The following C5 variants were observed in gnomAD, a reference collection of about 807,000 sequenced individuals.
The protein encoded by C5 is C3 and PZP-like alpha-2-macroglobulin domain-containing protein 4.
A neutral mutation model predicts 218.8 loss-of-function variants in C5; 140 were observed. The observed-to-expected ratio is 0.64, with a 90% CI of 0.56 to 0.74. The LOEUF is 0.74. Ranked by LOEUF, C5 falls within the 30% of genes least tolerant of loss-of-function variation. The pLI is 0.00. For synonymous variants in C5, 614 were observed against 682.3 expected (o/e 0.90, Z 1.56); for missense variants, 1,700 against 1,969.6 (o/e 0.86, Z 2.59).
intron 22 of C5, among the ~76,000 whole-genome samples, chr9:120,991,878 T>C (rs937593815): frequency 4.6e-5 from 7 of 152,230 alleles, no homozygotes; most frequent in African/African-American, 1.2e-4. Flanking sequence ...AATTATTGCA[T>C]TGGATTCTCA....
chr9:120,976,590 T>G (rs908967781), intron 29 of C5, 110 bp downstream of exon 29: 3 of 870,764 alleles, frequency 3.4e-6, no homozygotes, highest in East Asian at 2.4e-5. Context: ...GCATTATTCA[T>G]ATCTATTGCA....
At chr9:121,014,816 T>G (rs567969543) in intron 16 of C5, among the ~76,000 whole-genome samples, 1 of 152,146 alleles carries the variant, frequency 6.6e-6, no homozygotes, top group African/African-American at 2.4e-5. Context: ...CAGTTAAATA[T>G]ATGAAATAGA....
chr9:121,021,862 T>C (rs1194122350), intron 10 of C5, among the ~76,000 whole-genome samples, 168 bp from the exon 11 acceptor site: 3 of 152,100 alleles, frequency 2.0e-5, no homozygotes, highest in African/African-American at 7.2e-5. Flanking sequence ...CAGGTTGGAG[T>C]GCAGTGGCTA....
At chr9:120,967,707 A>C (rs1003796767) in intron 33 of C5, among the ~76,000 whole-genome samples, 1 of 151,660 alleles carries the variant, frequency 6.6e-6, no homozygotes, top group Non-Finnish European at 1.5e-5. Context: ...AAATACCTAC[A>C]TATTCTTTTC....
chr9:121,021,525 G>A lies in C5; in HGVS notation c.1286C>T (p.Thr429Met), dbSNP rs145461325. Residue 429 changes from threonine (T) to methionine (M), a missense_variant, in exon 11 of 41, where the codon ACG becomes ATG. Transcript: ENST00000223642. Reference sequence around the variant, plus strand: ...TCAGCTCACATTAAACTCCAGCACCGTCACTCCAGATGGGAGATTAAGCAC... The same window carrying A: ...TCAGCTCACATTAAACTCCAGCACCATCACTCCAGATGGGAGATTAAGCAC... ...SFVLNLPSGV[T>M]VLEFNVKTDA... 9.9e-6 allele frequency: 16 copies of A among 1,612,918 alleles called. No individual in the cohort carries two copies. Among genetic ancestry groups the A allele is most frequent in the East Asian group, 2.2e-5 (1 of 44,848 alleles).
Position 120,952,544 on chromosome 9 carries a change from A to G in C5, c.*195T>C. 1 of 526,668 alleles carries G rather than the reference A, an allele frequency of 1.9e-6. No homozygotes were observed. Among genetic ancestry groups the G allele is most frequent in the Middle Eastern group, 5.4e-4 (1 of 1,842 alleles). 32.6% of individuals were successfully genotyped at this position (526,668 alleles called of 1,614,324 possible). On this transcript the variant is annotated 3_prime_UTR_variant, in exon 41 of 41. Coordinates refer to ENST00000223642, the MANE Select transcript of C5 (RefSeq NM_001735.3). The stretch of plus-strand genomic sequence containing the variant: ...AGGAGTATCTGTCTTCATGCCCTCC[A>G]AGGCCATGTTATTTCAGAAAGTTAC...
intron 30 of C5, among the ~76,000 whole-genome samples, chr9:120,972,493 C>T (rs1261676522): frequency 6.6e-6 from 1 of 152,164 alleles, no homozygotes; most frequent in Non-Finnish European, 1.5e-5. Flanking sequence ...GATGATTTAT[C>T]TTTTCCACTT....
chr9:120,959,116 G>A (rs752882929), intron 38 of C5, among the ~76,000 whole-genome samples: 41 of 151,918 alleles, frequency 2.7e-4, no homozygotes, highest in Non-Finnish European at 4.7e-4. Context: ...GACCCTTTCC[G>A]TAAGAATGAG....
At position 121,032,112 on chromosome 9, in the gene C5, C is replaced by T; in HGVS notation, c.667+1G>A. 1 of 1,562,400 alleles carries T rather than the reference C, an allele frequency of 6.4e-7. No individual in the cohort carries two copies. Among genetic ancestry groups the T allele is most frequent in the Non-Finnish European group, 8.8e-7 (1 of 1,133,276 alleles). On this transcript the variant is annotated splice_donor_variant, in intron 6 of 40. Coordinates refer to ENST00000223642, the MANE Select transcript of C5 (RefSeq NM_001735.3). LOFTEE classifies it high-confidence loss of function. ...AAAAACTTTTACTTGTCAGAAATTACCATATTCTTTAACTTCAAAATATGC... is the reference window on the plus strand; with the variant it reads ...AAAAACTTTTACTTGTCAGAAATTATCATATTCTTTAACTTCAAAATATGC...
chr9:120,957,070 AC>A (rs1588163114), intron 39 of C5: 1 of 461,002 alleles, frequency 2.2e-6, no homozygotes, highest in South Asian at 2.2e-5. Context: ...ATTGAAAAAA[AC>A]ATTTTGCTGA....
At chr9:121,018,605 G>T (rs1268948676) in intron 12 of C5, among the ~76,000 whole-genome samples, 1 of 116,554 alleles carries the variant, frequency 8.6e-6, no homozygotes, top group Non-Finnish European at 1.7e-5. Context: ...AAGGAAGGAA[G>T]GAAGGAAGGA....
rs1178589382 is a variant in C5 at position 120,963,671 on chromosome 9, T to C, written c.4288A>G (p.Thr1430Ala). 3 of 1,613,732 alleles carry C rather than the reference T, an allele frequency of 1.9e-6. No individual in the cohort carries two copies. The highest frequency in any genetic ancestry group is 2.7e-5 in the African/African-American group (2 of 74,902). Residue 1430 changes from threonine (T) to alanine (A), a missense_variant, in exon 34 of 41, where the codon ACT (threonine) becomes GCT (alanine). Physicochemically the swap from Thr to Ala is moderately conservative, Grantham distance 58. Coordinates refer to ENST00000223642, the MANE Select transcript of C5 (RefSeq NM_001735.3). ...SHAVMDISLP[T>A]GISANEEDLK... is the part of the protein sequence containing the mutation. ...TCTTCTTCATTTGCACTGATTCCAGTAGGCAAGGAGATGTCCATCACCGCA... is the reference window on the plus strand; with the variant it reads ...TCTTCTTCATTTGCACTGATTCCAGCAGGCAAGGAGATGTCCATCACCGCA...
At chr9:120,978,254 A>G (rs1237263444) in intron 28 of C5, among the ~76,000 whole-genome samples, 1 of 152,212 alleles carries the variant, frequency 6.6e-6, no homozygotes, top group Non-Finnish European at 1.5e-5. Flanking sequence ...TTTTAAAAAA[A>G]GTAATGCATA....
intron 22 of C5, among the ~76,000 whole-genome samples, chr9:120,991,548 C>A (rs1423818888): frequency 6.6e-6 from 1 of 152,092 alleles, no homozygotes; most frequent in Non-Finnish European, 1.5e-5. Flanking sequence ...ATCTTATTCA[C>A]CAGCAAAATA....
At chr9:121,057,852 G>T in the C5 span, among the ~76,000 whole-genome samples, 2 of 152,126 alleles carry the variant, frequency 1.3e-5, no homozygotes, top group Non-Finnish European at 2.9e-5. Flanking sequence ...TTTGTCTCTT[G>T]TTATGGCATT....
At position 121,006,067 on chromosome 9, in the gene C5, C is replaced by T. The variant is rs753142675; in HGVS notation, c.2423-9G>A. 2 of 1,613,350 alleles carry T rather than the reference C, an allele frequency of 1.2e-6. No individual in the cohort carries two copies. The highest frequency in any genetic ancestry group is 2.2e-5 in the South Asian group (2 of 91,042). The stretch of plus-strand genomic sequence containing the variant: ...ATCAGCAACACATATACCTTCAGCC[C>T]AAAGTGGAAGCAAAGTAGAATCATA... On this transcript the variant is annotated splice_polypyrimidine_tract_variant and intron_variant, in intron 19 of 40. Transcript: ENST00000223642.
At chr9:121,029,461 A>G (rs1452268286) in intron 7 of C5, among the ~76,000 whole-genome samples, 2 of 152,216 alleles carry the variant, frequency 1.3e-5, no homozygotes, top group Non-Finnish European at 2.9e-5. Flanking sequence ...ATATCAACGC[A>G]TAGAGTTGTT....
intron 20 of C5, chr9:120,999,723 T>C (rs1026107155): frequency 3.9e-5 from 9 of 232,764 alleles, no homozygotes; most frequent in Admixed American, 2.7e-4. Flanking sequence ...CCAAAATTAC[T>C]AGATAAAAAG....
At chr9:121,001,260 G>A (rs576482259) in intron 20 of C5, among the ~76,000 whole-genome samples, 1 of 152,228 alleles carries the variant, frequency 6.6e-6, no homozygotes, top group South Asian at 2.1e-4. Flanking sequence ...TTTGTCAGAT[G>A]AGGAAACTAA....
Sources: gnomAD v4.1 joint callset for allele counts (sites outside exome capture counted in the v4.1 genomes callset) on GRCh38, gnomAD v4.1.1 for gene constraint, MANE v1.5 for transcripts, NCBI Gene and HGNC (gene_info 2026-07-23, HGNC 2026-07-21) for gene names.